The following INO80 variants were observed in gnomAD, a reference collection of about 807,000 sequenced individuals.
INO80 encodes the protein chromatin-remodeling ATPase INO80.
Under a neutral mutation model 203.4 loss-of-function variants are expected in INO80, and 20 were observed. The observed-to-expected ratio is 0.10, with a 90% CI of 0.07 to 0.14. INO80 has a LOEUF of 0.14. Among genes scored for constraint, INO80 ranks in the 10% least tolerant of loss-of-function variants. The pLI, the probability that INO80 is intolerant of heterozygous loss-of-function variation, is 1.00. For synonymous variants in INO80, 726 were observed against 685.2 expected (o/e 1.06, Z -0.93); for missense variants, 1,419 against 1,914.4 (o/e 0.74, Z 4.83).
At chr15:40,982,812 A>C (rs1009158523) in intron 35 of INO80, 50 bp downstream of exon 35, 1 of 1,448,820 alleles carries the variant, frequency 6.9e-7, no homozygotes, top group East Asian at 2.3e-5. Context: ...CAGAATTTCT[A>C]GACTGTCTCT....
chr15:41,034,815 C>T (rs142014636), intron 24 of INO80, among the ~76,000 whole-genome samples: 1 of 152,208 alleles, frequency 6.6e-6, no homozygotes, highest in Non-Finnish European at 1.5e-5. Context: ...AATCTGGGTT[C>T]AACTTGCATA....
intron 32 of INO80, 53 bp downstream of exon 32, chr15:40,985,285 G>A: frequency 7.5e-7 from 1 of 1,331,878 alleles, no homozygotes; most frequent in Non-Finnish European, 1.1e-6. Context: ...AGCCTTTTTG[G>A]TAAGTACCCC....
At chr15:41,055,043 A>G (rs750795209) in intron 18 of INO80, among the ~76,000 whole-genome samples, 7 of 152,254 alleles carry the variant, frequency 4.6e-5, no homozygotes, top group Non-Finnish European at 7.3e-5. Flanking sequence ...AGACTACAGT[A>G]GTAATCATCT....
intron 14 of INO80, among the ~76,000 whole-genome samples, chr15:41,061,254 T>G (rs1293229077): frequency 6.6e-6 from 1 of 151,272 alleles, no homozygotes; most frequent in African/African-American, 2.4e-5. Flanking sequence ...GAGCCAAGAT[T>G]GTGCCACTGC....
chr15:41,090,158 C>T (rs529555766), intron 5 of INO80, among the ~76,000 whole-genome samples: 13 of 152,266 alleles, frequency 8.5e-5, no homozygotes, highest in African/African-American at 3.1e-4. Flanking sequence ...AAATGAAATG[C>T]TGATACATGC....
intron 26 of INO80, chr15:41,016,989 CTT>C (rs79870702): frequency 4.1e-5 from 6 of 146,300 alleles, no homozygotes; most frequent in African/African-American, 5.0e-5. Context: ...CCCCCCTACC[CTT>C]TTTTTTTTTT....
chr15:41,032,554 G>A (rs976235297), intron 24 of INO80, among the ~76,000 whole-genome samples: 1 of 152,124 alleles, frequency 6.6e-6, no homozygotes, highest in African/African-American at 2.4e-5. Flanking sequence ...TCCTGTTTGG[G>A]GGGTGAAATC....
intron 5 of INO80, among the ~76,000 whole-genome samples, chr15:41,089,743 CAAA>C (rs796081701): frequency 3.5e-5 from 4 of 112,978 alleles, no homozygotes; most frequent in Non-Finnish European, 1.9e-5. Context: ...AACTCAATCT[CAAA>C]AAAAAAAAAA....
At chr15:41,027,991 T>A (rs1266089746) in intron 24 of INO80, 1 of 256,188 alleles carries the variant, frequency 3.9e-6, no homozygotes, top group African/African-American at 2.2e-5. Flanking sequence ...GGAAGAGATA[T>A]TGTTAATCAA....
intron 25 of INO80, among the ~76,000 whole-genome samples, chr15:41,025,824 G>A (rs2044367325): frequency 1.3e-5 from 2 of 152,132 alleles, no homozygotes; most frequent in African/African-American, 4.8e-5. Flanking sequence ...CTTTTATTAG[G>A]TCTCTTGGTA....
intron 5 of INO80, among the ~76,000 whole-genome samples, chr15:41,090,722 T>C (rs1349569201): frequency 6.6e-6 from 1 of 152,088 alleles, no homozygotes; most frequent in African/African-American, 2.4e-5. Flanking sequence ...GTAACACAAC[T>C]ATGAATATAT....
chr15:40,990,815 T>C (rs1470789110), intron 29 of INO80, among the ~76,000 whole-genome samples: 1 of 152,200 alleles, frequency 6.6e-6, no homozygotes, highest in Non-Finnish European at 1.5e-5. Flanking sequence ...AGACCTTCAG[T>C]TGGACTAGAG....
chr15:41,050,205 A>G, intron 19 of INO80, 103 bp from the exon 20 acceptor site: 1 of 742,336 alleles, frequency 1.3e-6, no homozygotes, highest in Non-Finnish European at 2.2e-6. Context: ...ATGATTGAGA[A>G]TAAACATATG....
chr15:41,085,332 T>G, intron 7 of INO80, 37 bp downstream of exon 7: 1 of 1,563,430 alleles, frequency 6.4e-7, no homozygotes, highest in South Asian at 1.1e-5. Flanking sequence ...AGAGAAAACA[T>G]TCTCCTAATT....
chr15:41,010,225 C>G (rs991614017), intron 27 of INO80, among the ~76,000 whole-genome samples: 8 of 152,156 alleles, frequency 5.3e-5, no homozygotes, highest in African/African-American at 1.9e-4. Flanking sequence ...TCACTAACTG[C>G]CAGTCACTGT....
At chr15:41,033,833 C>G (rs1002281621) in intron 24 of INO80, among the ~76,000 whole-genome samples, 1 of 151,986 alleles carries the variant, frequency 6.6e-6, no homozygotes, top group East Asian at 1.9e-4. Flanking sequence ...GGGAGGATCA[C>G]GAGGTCAGGA....
At chr15:41,086,796 T>C (rs2140642419) in intron 6 of INO80, among the ~76,000 whole-genome samples, 1 of 152,290 alleles carries the variant, frequency 6.6e-6, no homozygotes, top group East Asian at 1.9e-4. Flanking sequence ...CTGGCAAACA[T>C]GCAAACAAAC....
At chr15:41,115,183 G>A (rs1484987694) in intron 1 of INO80, among the ~76,000 whole-genome samples, 1 of 152,162 alleles carries the variant, frequency 6.6e-6, no homozygotes, top group African/African-American at 2.4e-5. Context: ...TTTCTAACAA[G>A]TACATCAAAC....
chr15:41,028,120 C>A (rs1217833935), intron 24 of INO80, among the ~76,000 whole-genome samples: 1 of 152,044 alleles, frequency 6.6e-6, no homozygotes, highest in Non-Finnish European at 1.5e-5. Flanking sequence ...ACAATGATGA[C>A]CAACACAATT....
Sources: allele counts gnomAD v4.1 joint callset (sites outside exome capture counted in the v4.1 genomes callset), GRCh38; gene constraint gnomAD v4.1.1; transcripts MANE v1.5; gene names NCBI Gene and HGNC (gene_info 2026-07-23, HGNC 2026-07-21).